Variants in NTM observed in about 807,000 individuals in gnomAD.
The protein encoded by NTM is neurotrimin.
A neutral mutation model predicts 42.1 loss-of-function variants in NTM; 13 were observed. The ratio of observed to expected loss-of-function variants is 0.31; its 90% CI spans 0.20 to 0.49. The LOEUF (loss-of-function observed/expected upper bound fraction) is 0.49, where lower values mean the gene tolerates loss of function less well. NTM is among the 20% of genes least tolerant of loss of function. The pLI, the probability that NTM is intolerant of heterozygous loss-of-function variation, is 0.99. For missense variants in NTM, 373 were observed against 452.8 expected (o/e 0.82, Z 1.60); for synonymous variants, 187 against 179.2 (o/e 1.04, Z -0.35).
At chr11:131,582,629 C>T (rs1367874751) in intron 1 of NTM, among the ~76,000 whole-genome samples, 9 of 151,812 alleles carry the variant, frequency 5.9e-5, no homozygotes. Flanking sequence ...CCTGCATCGG[C>T]AAGAGGAGAA....
chr11:131,559,742 C>T (rs1032291499), intron 1 of NTM, among the ~76,000 whole-genome samples: 1 of 152,218 alleles, frequency 6.6e-6, no homozygotes, highest in South Asian at 2.1e-4. Flanking sequence ...TTGACTCTAG[C>T]TCCAAAGTGG....
At chr11:131,908,265 T>C (rs1047415563) in intron 1 of NTM, among the ~76,000 whole-genome samples, 1 of 152,230 alleles carries the variant, frequency 6.6e-6, no homozygotes, top group African/African-American at 2.4e-5. Flanking sequence ...TGCCCAGACA[T>C]ACTAATGAAG....
chr11:131,903,859 TC>T (rs1339892590), intron 1 of NTM, among the ~76,000 whole-genome samples: 1 of 152,200 alleles, frequency 6.6e-6, no homozygotes, highest in East Asian at 1.9e-4. Context: ...CTGAAATTGT[TC>T]CTTTAATTCT....
chr11:131,963,511 TA>T (rs2062458696), intron 2 of NTM, among the ~76,000 whole-genome samples: 1 of 152,214 alleles, frequency 6.6e-6, no homozygotes, highest in African/African-American at 2.4e-5. Flanking sequence ...CTTCTTGCAA[TA>T]TGTGCAGAAA....
chr11:131,584,212 G>A (rs1459401088), intron 1 of NTM, among the ~76,000 whole-genome samples: 13 of 152,186 alleles, frequency 8.5e-5, no homozygotes, highest in African/African-American at 1.7e-4. Context: ...GACTTACGAC[G>A]TCCCCATCGC....
chr11:131,584,589 T>C (rs1028436624), intron 1 of NTM, among the ~76,000 whole-genome samples: 5 of 152,242 alleles, frequency 3.3e-5, no homozygotes, highest in Non-Finnish European at 5.9e-5. Context: ...AAGGATTCAA[T>C]TGGGAGGAAG....
At chr11:131,793,176 G>A (rs959487194) in intron 1 of NTM, among the ~76,000 whole-genome samples, 6 of 152,208 alleles carry the variant, frequency 3.9e-5, no homozygotes, top group African/African-American at 1.4e-4. Context: ...AGGTTTGTAG[G>A]GAGTCTGCTA....
intron 1 of NTM, chr11:131,796,253 C>T: frequency 2.4e-6 from 2 of 818,432 alleles, no homozygotes; most frequent in Non-Finnish European, 2.9e-6. Flanking sequence ...CAGGTGCGGC[C>T]CAGCCCTCTC....
At chr11:131,819,406 A>T (rs961102051) in intron 1 of NTM, among the ~76,000 whole-genome samples, 1 of 152,192 alleles carries the variant, frequency 6.6e-6, no homozygotes, top group African/African-American at 2.4e-5. Context: ...ACTCAGATAA[A>T]CCACACATCC....
At chr11:132,016,588 T>G (rs757793345) in intron 2 of NTM, among the ~76,000 whole-genome samples, 3 of 152,042 alleles carry the variant, frequency 2.0e-5, no homozygotes, top group Non-Finnish European at 4.4e-5. Flanking sequence ...TTATTATGAA[T>G]AATGCTGCTA....
chr11:131,911,106 TTACTCCTCTCCAAAGTGCC>T, intron 1 of NTM: 1 of 1,192,650 alleles, frequency 8.4e-7, no homozygotes, highest in Non-Finnish European at 1.1e-6. Flanking sequence ...ACCAAAGTGC[TTACTCCTCTCCAAAGTGCC>T]GTGTCTGAAC....
At chr11:131,775,421 T>C (rs2135955293) in intron 1 of NTM, among the ~76,000 whole-genome samples, 1 of 152,346 alleles carries the variant, frequency 6.6e-6, no homozygotes, top group Middle Eastern at 3.4e-3. Context: ...TGGACTTCTC[T>C]GCCAGGCAAA....
chr11:131,519,412 C>G (rs1044726081), intron 1 of NTM, among the ~76,000 whole-genome samples: 3 of 149,860 alleles, frequency 2.0e-5, no homozygotes, highest in African/African-American at 5.0e-5. Flanking sequence ...AAGACCAGCC[C>G]AACTCTTCTT....
chr11:132,007,017 T>C (rs1310865925), intron 2 of NTM, among the ~76,000 whole-genome samples: 1 of 152,198 alleles, frequency 6.6e-6, no homozygotes, highest in African/African-American at 2.4e-5. Context: ...GCACTCTCTT[T>C]CCTCTGTCAT....
intron 1 of NTM, among the ~76,000 whole-genome samples, chr11:131,852,726 C>T (rs1283372525): frequency 6.6e-6 from 1 of 152,164 alleles, no homozygotes; most frequent in East Asian, 1.9e-4. Context: ...TCTATACCCA[C>T]CCACCGATGG....
chr11:131,498,128 AC>A (rs1955543072), intron 1 of NTM, among the ~76,000 whole-genome samples: 1 of 150,700 alleles, frequency 6.6e-6, no homozygotes, highest in Non-Finnish European at 1.5e-5. Context: ...TTGCTGATAA[AC>A]TTTTGCCTGA....
chr11:131,796,172 A>G, intron 1 of NTM: 1 of 985,318 alleles, frequency 1.0e-6, no homozygotes, highest in Non-Finnish European at 1.2e-6. Flanking sequence ...GCCCTCCTGC[A>G]GCTGGGGAAA....
chr11:131,473,603 G>C (rs1269003053), intron 1 of NTM, among the ~76,000 whole-genome samples: 1 of 152,168 alleles, frequency 6.6e-6, no homozygotes, highest in Non-Finnish European at 1.5e-5. Flanking sequence ...TAGCTGCAAG[G>C]TTTTTGAGAA....
At chr11:132,263,170 G>A (rs1184957021) in intron 4 of NTM, among the ~76,000 whole-genome samples, 1 of 152,200 alleles carries the variant, frequency 6.6e-6, no homozygotes, top group East Asian at 1.9e-4. Context: ...CTGCAGGGCA[G>A]GGTTGCAGCT....
Sources: allele counts gnomAD v4.1 joint callset (sites outside exome capture counted in the v4.1 genomes callset), GRCh38; gene constraint gnomAD v4.1.1; transcripts MANE v1.5; gene names NCBI Gene and HGNC (gene_info 2026-07-23, HGNC 2026-07-21).